Variants in MTM1 observed in about 807,000 individuals in gnomAD.
MTM1 encodes myotubularin.
In MTM1, 9 loss-of-function variants were observed where a neutral mutation model predicts 52.1. The ratio of observed to expected loss-of-function variants is 0.17; its 90% CI spans 0.10 to 0.30. The LOEUF is 0.30. Among genes scored for constraint, MTM1 ranks in the 10% least tolerant of loss-of-function variants. The probability of loss-of-function intolerance (pLI) is 1.00; values close to 1 mark genes in which losing one functional copy is unlikely to be tolerated. For missense variants in MTM1, 277 were observed against 470.7 expected, an observed-to-expected ratio of 0.59 and a Z score of 3.81; for synonymous variants, 136 against 163.8, an observed-to-expected ratio of 0.83 and a Z score of 1.29.
chrX:150,628,040 G>A (rs1750903709), intron 6 of MTM1, among the ~76,000 whole-genome samples: 1 of 111,238 alleles, frequency 9.0e-6, no homozygotes, highest in Non-Finnish European at 1.9e-5. Context: ...GAAGTCCCCA[G>A]GTGGTCCTTT....
intron 10 of MTM1, among the ~76,000 whole-genome samples, chrX:150,652,636 CGTGTGTGT>C (rs781866918): frequency 1.3e-5 from 1 of 75,886 alleles, no homozygotes. Context: ...CATATATATA[CGTGTGTGT>C]GTGTATATAT....
chrX:150,611,115 A>G (rs1557412974), intron 4 of MTM1, among the ~76,000 whole-genome samples: 1 of 111,980 alleles, frequency 8.9e-6, no homozygotes, highest in African/African-American at 3.3e-5. Context: ...GGTTTCAGTC[A>G]TGTCATGAGG....
intron 1 of MTM1, among the ~76,000 whole-genome samples, chrX:150,583,099 A>T (rs2038619647): frequency 1.2e-5 from 1 of 85,362 alleles, no homozygotes; most frequent in South Asian, 5.1e-4. Context: ...ATATATATTT[A>T]TATATAAATT....
intron 14 of MTM1, among the ~76,000 whole-genome samples, chrX:150,669,466 C>G (rs1229397863): frequency 5.4e-5 from 6 of 111,922 alleles, no homozygotes; most frequent in African/African-American, 2.0e-4. Flanking sequence ...AATGGTTGAA[C>G]TAATTTACAC....
upstream of MTM1, among the ~76,000 whole-genome samples, chrX:150,564,528 G>A (rs2038239264): frequency 9.0e-6 from 1 of 110,913 alleles, no homozygotes; most frequent in African/African-American, 3.3e-5. Context: ...GATTACAGGT[G>A]CACGCCACCA....
chrX:150,606,172 A>G (rs938182703), intron 4 of MTM1, among the ~76,000 whole-genome samples: 3 of 111,373 alleles, frequency 2.7e-5, no homozygotes, highest in African/African-American at 9.8e-5. Context: ...CAGTGGGAGC[A>G]TAGGATCTAT....
intron 1 of MTM1, among the ~76,000 whole-genome samples, chrX:150,575,554 G>A (rs189491042): frequency 9.0e-6 from 1 of 111,662 alleles, no homozygotes; most frequent in East Asian, 2.8e-4. Flanking sequence ...GATGCCAACA[G>A]TGTTGCTCTG....
At chrX:150,581,582 C>T (rs902678685) in intron 1 of MTM1, among the ~76,000 whole-genome samples, 6 of 111,667 alleles carry the variant, frequency 5.4e-5, no homozygotes, top group African/African-American at 1.6e-4. Flanking sequence ...GTCTAGGGTT[C>T]TTCTTTGTGA....
chrX:150,635,079 A>G (rs1456958448), intron 6 of MTM1, among the ~76,000 whole-genome samples: 2 of 111,387 alleles, frequency 1.8e-5, no homozygotes, highest in African/African-American at 3.3e-5. Flanking sequence ...TTCACCCCCA[A>G]TTCTGAGGCA....
intron 1 of MTM1, among the ~76,000 whole-genome samples, chrX:150,575,170 C>T (rs1390984005): frequency 8.9e-6 from 1 of 112,559 alleles, no homozygotes. Flanking sequence ...TCAAAGAACT[C>T]GAGGAATGCC....
At chrX:150,605,340 C>G (rs2039138056) in intron 4 of MTM1, among the ~76,000 whole-genome samples, 1 of 112,287 alleles carries the variant, frequency 8.9e-6, no homozygotes, top group Non-Finnish European at 1.9e-5. Context: ...TAATTTGGCT[C>G]TAGGTTCAGG....
chrX:150,583,376 T>C lies in MTM1; in HGVS notation c.-10-9229T>C, dbSNP rs1196725749. On this transcript the variant is annotated intron_variant, in intron 1 of 14. Transcript: ENST00000370396. ...ATAAATATATATAAATTATATATAT[T>C]ATATATAATATAATATATATAAATT... is the stretch of plus-strand genomic sequence containing the variant. Among the ~76,000 whole-genome samples, 3 of 20,689 alleles carry C rather than the reference T, an allele frequency of 1.5e-4. No homozygotes were observed. In the African/African-American group the frequency reaches 1.8e-3, roughly 12 times the overall value. The allele number at this position is 20,689 out of a possible 115,157, so 18.0% of individuals were successfully genotyped here. A position where few individuals can be genotyped will look rare whatever the true frequency, so the allele number is the denominator to read the frequency against.
chrX:150,583,079 A>G (rs1466747572), intron 1 of MTM1, among the ~76,000 whole-genome samples: 1 of 87,338 alleles, frequency 1.1e-5, no homozygotes, highest in Admixed American at 1.6e-4. Flanking sequence ...ATTTAAATAT[A>G]TATTAAATTA....
intron 6 of MTM1, among the ~76,000 whole-genome samples, chrX:150,628,961 A>C (rs2039617902): frequency 9.0e-6 from 1 of 111,265 alleles, no homozygotes; most frequent in South Asian, 3.8e-4. Context: ...GATTACAGGC[A>C]TGAGCCACCA....
intron 8 of MTM1, among the ~76,000 whole-genome samples, chrX:150,643,384 T>C (rs888173653): frequency 2.7e-5 from 3 of 111,729 alleles, no homozygotes; most frequent in Non-Finnish European, 5.6e-5. Context: ...ATTTTATGAG[T>C]CTTTAATGTA....
intron 14 of MTM1, among the ~76,000 whole-genome samples, chrX:150,670,711 C>T (rs1171734052): frequency 1.8e-5 from 2 of 111,555 alleles, no homozygotes; most frequent in Non-Finnish European, 3.8e-5. Flanking sequence ...GTTGAAAAGA[C>T]CATATTCTAC....
At position 150,583,815 on chromosome X, in the gene MTM1, ATT is replaced by A. The variant is rs1404549578; in HGVS notation, c.-10-8789_-10-8788del. ...TATAAAATATATATTAAATATATAT[ATT>A]AAATATACAAAATATATATAAATAT... On this transcript the variant is annotated intron_variant, in intron 1 of 14. Coordinates refer to ENST00000370396, the MANE Select transcript of MTM1 (RefSeq NM_000252.3). 5.2e-4 allele frequency among the ~76,000 whole-genome samples: 27 copies of A among 51,964 alleles called. 2 individuals are homozygous for A. Among genetic ancestry groups the A allele is most frequent in the African/African-American group, 1.8e-3 (25 of 14,176 alleles). The allele number at this position is 51,964 out of a possible 115,157, so 45.1% of individuals were successfully genotyped here.
chrX:150,670,732 T>A (rs1557415112), intron 14 of MTM1, among the ~76,000 whole-genome samples: 1 of 111,406 alleles, frequency 9.0e-6, no homozygotes, highest in Admixed American at 9.5e-5. Context: ...TTCTCAGCAG[T>A]TCCACCCCTA....
intron 1 of MTM1, among the ~76,000 whole-genome samples, chrX:150,579,260 G>A (rs1423314960): frequency 9.1e-6 from 1 of 110,115 alleles, no homozygotes; most frequent in Non-Finnish European, 1.9e-5. Context: ...CTCCATGTTG[G>A]TCAGGCTGGT....
Sources: gnomAD v4.1 joint callset for allele counts (sites outside exome capture counted in the v4.1 genomes callset) on GRCh38, gnomAD v4.1.1 for gene constraint, MANE v1.5 for transcripts, NCBI Gene and HGNC (gene_info 2026-07-23, HGNC 2026-07-21) for gene names.